The following SYCP1 variants were observed in gnomAD, a reference collection of about 807,000 sequenced individuals.
SYCP1 encodes cancer/testis antigen 8.
A neutral mutation model predicts 153.1 loss-of-function variants in SYCP1; 64 were observed. The observed-to-expected ratio is 0.42, with a 90% CI of 0.34 to 0.51. The LOEUF (loss-of-function observed/expected upper bound fraction) is 0.51, where lower values mean the gene tolerates loss of function less well. Among genes scored for constraint, SYCP1 ranks in the 20% least tolerant of loss-of-function variants. SYCP1 has a pLI of 0.06. For synonymous variants in SYCP1, 384 were observed against 341.8 expected (o/e 1.12, Z -1.36); for missense variants, 997 against 1,049.0 (o/e 0.95, Z 0.68).
chr1:114,986,595 T>A (rs1432380141), intron 30 of SYCP1, among the ~76,000 whole-genome samples: 2 of 152,182 alleles, frequency 1.3e-5, no homozygotes, highest in East Asian at 3.9e-4. Context: ...TTCCTGGTTA[T>A]AATTATTATA....
chr1:114,901,897 C>G (rs1451578219), intron 16 of SYCP1, among the ~76,000 whole-genome samples: 2 of 152,190 alleles, frequency 1.3e-5, no homozygotes, highest in African/African-American at 4.8e-5. Context: ...GCTGTGTTAA[C>G]TGCTGACAGG....
chr1:114,995,109 G>T lies in SYCP1; in HGVS notation c.*90G>T. On this transcript the variant is annotated 3_prime_UTR_variant, in exon 32 of 32. Transcript: ENST00000369522. ...TATTTGCCAGAGCCAAATTTTATCT[G>T]GAAGTTGAGACTTAAAAAATACTTG... 2 of 1,287,982 alleles carry T rather than the reference G, an allele frequency of 1.6e-6. No individual in the cohort carries two copies. Among genetic ancestry groups the T allele is most frequent in the South Asian group, 1.9e-5 (1 of 52,780 alleles). The allele number at this position is 1,287,982 out of a possible 1,614,324, so 79.8% of individuals were successfully genotyped here.
intron 27 of SYCP1, among the ~76,000 whole-genome samples, chr1:114,957,352 T>C (rs528883431): frequency 1.4e-3 from 215 of 152,316 alleles, no homozygotes; most frequent in Non-Finnish European, 2.5e-3. Context: ...AAGAAAACAC[T>C]GGGTAAATGC....
chr1:114,986,030 A>C (rs1673480971), intron 30 of SYCP1, among the ~76,000 whole-genome samples: 2 of 151,996 alleles, frequency 1.3e-5, no homozygotes, highest in Non-Finnish European at 2.9e-5. Flanking sequence ...CCTAGAGATG[A>C]TTAAAGTATA....
chr1:114,944,743 T>C (rs1670589343), intron 24 of SYCP1, 129 bp from the exon 25 acceptor site: 1 of 735,108 alleles, frequency 1.4e-6, no homozygotes, highest in Admixed American at 3.2e-5. Context: ...ACAGTGCATT[T>C]TCTACTTGTT....
In SYCP1 at chr1:114,935,933, C is replaced by G. The variant is rs183448259; in HGVS notation, c.1927-8406C>G. ...TAGTAGCCTACCAACCAAAATAAGT[C>G]CAGGACCAGACGGAGTCACAGCCGA... On this transcript the variant is annotated intron_variant, in intron 23 of 31. Transcript: ENST00000369522. 1.6e-3 allele frequency among the ~76,000 whole-genome samples: 245 copies of G among 152,208 alleles called. 1 individual carries two copies. Among genetic ancestry groups the G allele is most frequent in the Admixed American group, 2.3e-3 (35 of 15,280 alleles).
chr1:114,882,438 A>G (rs1666016040), intron 12 of SYCP1, among the ~76,000 whole-genome samples: 2 of 152,038 alleles, frequency 1.3e-5, no homozygotes, highest in Non-Finnish European at 2.9e-5. Context: ...TGTTTATTTT[A>G]AGATGTTATT....
At chr1:114,952,296 G>A (rs1223350026) in intron 27 of SYCP1, among the ~76,000 whole-genome samples, 1 of 152,114 alleles carries the variant, frequency 6.6e-6, no homozygotes, top group Admixed American at 6.5e-5. Flanking sequence ...AAATGATCCA[G>A]TTTCTCTGCA....
At chr1:114,910,323 T>A in intron 16 of SYCP1, 74 bp from the exon 17 acceptor site, 1 of 996,280 alleles carries the variant, frequency 1.0e-6, no homozygotes, top group Non-Finnish European at 1.5e-6. Flanking sequence ...TTTCCACAGC[T>A]CCATTTGGGC....
chr1:114,987,157 A>G (rs1246428633), intron 30 of SYCP1, among the ~76,000 whole-genome samples: 1 of 152,006 alleles, frequency 6.6e-6, no homozygotes, highest in East Asian at 1.9e-4. Context: ...ATTCAAAAGC[A>G]AAGCAAAAAG....
intron 27 of SYCP1, among the ~76,000 whole-genome samples, chr1:114,956,394 G>A (rs553826905): frequency 7.4e-4 from 113 of 152,286 alleles, no homozygotes; most frequent in Middle Eastern, 3.4e-3. Flanking sequence ...TCCTGAGGGA[G>A]CTAATTCTCA....
intron 12 of SYCP1, among the ~76,000 whole-genome samples, chr1:114,878,459 G>C (rs1427558717): frequency 6.6e-6 from 1 of 152,000 alleles, no homozygotes; most frequent in East Asian, 1.9e-4. Flanking sequence ...CAGAGACCTT[G>C]TCTTTTTTGT....
At chr1:114,978,694 A>G (rs1570906314) in intron 28 of SYCP1, among the ~76,000 whole-genome samples, 1 of 151,710 alleles carries the variant, frequency 6.6e-6, no homozygotes, top group Non-Finnish European at 1.5e-5. Context: ...GTTTGAGAAC[A>G]GTTCATTATA....
intron 16 of SYCP1, among the ~76,000 whole-genome samples, chr1:114,905,948 G>A (rs1302022152): frequency 1.3e-5 from 2 of 151,844 alleles, no homozygotes; most frequent in South Asian, 2.1e-4. Context: ...GATATTGGTT[G>A]TTGTGTCATT....
intron 23 of SYCP1, among the ~76,000 whole-genome samples, chr1:114,944,067 A>G (rs540717501): frequency 2.9e-4 from 44 of 151,976 alleles, no homozygotes; most frequent in African/African-American, 1.0e-3. Flanking sequence ...AGAGTAACCA[A>G]TGTAAATATT....
At chr1:114,938,583 T>C (rs540102163) in intron 23 of SYCP1, among the ~76,000 whole-genome samples, 1 of 151,570 alleles carries the variant, frequency 6.6e-6, no homozygotes, top group Non-Finnish European at 1.5e-5. Context: ...AATAAGTAAA[T>C]ACATAAATAA....
chr1:114,863,985 A>C (rs912193939), intron 8 of SYCP1, among the ~76,000 whole-genome samples: 117 of 54,864 alleles, frequency 2.1e-3, no homozygotes, highest in Middle Eastern at 6.8e-3. Context: ...GGTGGGGGGC[A>C]GGGGGAGGGA....
rs1671902717 is a variant in SYCP1, at chr1:114,963,374, A to AT, written c.2323-14177dup. Among the ~76,000 whole-genome samples the AT allele has an allele frequency of 3.9e-5, 6 of 152,038 alleles. No homozygotes were observed. In the South Asian group the frequency reaches 1.0e-3, roughly 26 times the overall value. ...AGGCTTTGTTCATTTTTTTAAAAGT[A>AT]TTTTTTCTTTTTTATTATACTTTAA... On this transcript the variant is annotated intron_variant, in intron 27 of 31. Coordinates refer to ENST00000369522, the MANE Select transcript of SYCP1 (RefSeq NM_003176.4).
chr1:114,984,012 G>T (rs2101959063), intron 29 of SYCP1, among the ~76,000 whole-genome samples: 1 of 152,086 alleles, frequency 6.6e-6, no homozygotes, highest in East Asian at 2.0e-4. Flanking sequence ...CAATTCTCCT[G>T]CTTCAGCCTC....
Sources: gnomAD v4.1 joint callset for allele counts (sites outside exome capture counted in the v4.1 genomes callset) on GRCh38, gnomAD v4.1.1 for gene constraint, MANE v1.5 for transcripts, NCBI Gene and HGNC (gene_info 2026-07-23, HGNC 2026-07-21) for gene names.